CSMD1: variants seen among roughly 807,000 people sequenced by gnomAD.
The protein encoded by CSMD1 is CUB and Sushi multiple domains 1.
A neutral mutation model predicts 417.5 loss-of-function variants in CSMD1; 213 were observed. That is an observed-to-expected ratio of 0.51 (90% CI 0.46 to 0.57). The LOEUF is 0.57. Ranked by LOEUF, CSMD1 falls within the 20% of genes least tolerant of loss-of-function variation. The probability of loss-of-function intolerance (pLI) is 0.00; values close to 1 mark genes in which losing one functional copy is unlikely to be tolerated. For missense variants in CSMD1, 6,923 were observed against 4,529.7 expected (o/e 1.53, Z -15.17); for synonymous variants, 2,862 against 1,736.8 (o/e 1.65, Z -16.11).
Position 3,943,432 on chromosome 8 carries a change from A to AC in CSMD1, c.818+54470_818+54471insG, listed in dbSNP as rs552421047. On this transcript the variant is annotated intron_variant, in intron 5 of 69. Transcript: ENST00000635120. ...GTTGTTTTTTTTTCATTAAAAAAAA[A>AC]AAAACAGAATTCCAGCAATTGTTTC... 9.9e-5 allele frequency among the ~76,000 whole-genome samples: 15 copies of AC among 151,530 alleles called. No homozygotes were observed. In the South Asian group the frequency reaches 2.1e-3, roughly 21 times the overall value.
intron 5 of CSMD1, among the ~76,000 whole-genome samples, chr8:3,833,645 G>A (rs1169074088): frequency 6.6e-6 from 1 of 151,892 alleles, no homozygotes; most frequent in African/African-American, 2.4e-5. Flanking sequence ...CTCACAGGAT[G>A]GTGTTTGTAT....
chr8:3,843,919 C>G, intron 5 of CSMD1, among the ~76,000 whole-genome samples: 1 of 152,134 alleles, frequency 6.6e-6, no homozygotes, highest in South Asian at 2.1e-4. Flanking sequence ...CAGAACTTTC[C>G]ATTGCATGCG....
chr8:4,294,671 T>C lies in CSMD1; in HGVS notation c.415+125282A>G, dbSNP rs190821738. 5.1e-4 allele frequency among the ~76,000 whole-genome samples: 77 copies of C among 152,160 alleles called. 1 individual carries two copies. The highest frequency in any genetic ancestry group is 9.1e-4 in the Non-Finnish European group (62 of 68,036). ...ATTCATGTTTCTTGGTATTTTACAT[T>C]TTAAAAATATTCTAAGATGACCATC... is the stretch of plus-strand genomic sequence containing the variant. On this transcript the variant is annotated intron_variant, in intron 3 of 69. Transcript: ENST00000635120.
chr8:4,709,421 G>C (rs748807317), intron 1 of CSMD1, among the ~76,000 whole-genome samples: 26 of 152,046 alleles, frequency 1.7e-4, no homozygotes, highest in Non-Finnish European at 3.4e-4. Context: ...TTTTTACTTG[G>C]GGCTGCCCTG....
chr8:4,954,650 T>C (rs566855462), intron 1 of CSMD1, among the ~76,000 whole-genome samples: 8 of 152,300 alleles, frequency 5.3e-5, no homozygotes, highest in South Asian at 2.1e-4. Context: ...AAATACCCAA[T>C]GTGTACTCAT....
chr8:4,104,503 G>A (rs929907865), intron 3 of CSMD1, among the ~76,000 whole-genome samples: 1 of 152,106 alleles, frequency 6.6e-6, no homozygotes, highest in Non-Finnish European at 1.5e-5. Context: ...TTGCTTTCAC[G>A]GATTGAGGCC....
At chr8:3,262,650 A>G (rs1355597183) in intron 26 of CSMD1, among the ~76,000 whole-genome samples, 1 of 152,160 alleles carries the variant, frequency 6.6e-6, no homozygotes, top group Non-Finnish European at 1.5e-5. Flanking sequence ...AGAGGTATAG[A>G]CAGAATAAGT....
At chr8:4,639,798 G>C (rs1201753782) in intron 1 of CSMD1, among the ~76,000 whole-genome samples, 1 of 152,116 alleles carries the variant, frequency 6.6e-6, no homozygotes, top group African/African-American at 2.4e-5. Flanking sequence ...ATGCTTGTGG[G>C]AGTTGGCAAA....
rs1429157605 is a variant in CSMD1 at position 3,097,020 on chromosome 8, C to T, written c.6967G>A (p.Glu2323Lys). The change falls in exon 47 of 70, where the codon GAA becomes AAA. Residue 2323 changes from glutamate to lysine, a missense_variant. Physicochemically the swap from Glu to Lys is moderately conservative, Grantham distance 56. Coordinates refer to ENST00000635120, the MANE Select transcript of CSMD1 (RefSeq NM_033225.6). ...ACTCCCGATGATCCAGTCCGGACTTCATTTGCTGGGCATTGTGCTGGAGAG... is the reference window on the plus strand; with the variant it reads ...ACTCCCGATGATCCAGTCCGGACTTTATTTGCTGGGCATTGTGCTGGAGAG... ...PTCEAQCPAN[E>K]VRTGSSGVIL... The T allele has an allele frequency of 5.2e-6, 8 of 1,546,730 alleles. No individual in the cohort carries two copies. The highest frequency in any genetic ancestry group is 4.0e-5 in the Admixed American group (2 of 49,566).
chr8:3,413,157 T>A (rs575847431), intron 12 of CSMD1, among the ~76,000 whole-genome samples: 1 of 152,240 alleles, frequency 6.6e-6, no homozygotes, highest in East Asian at 1.9e-4. Context: ...GCACTGGAAA[T>A]ACAATTATTA....
chr8:3,007,128 C>T (rs1301551702), intron 52 of CSMD1, among the ~76,000 whole-genome samples: 1 of 149,486 alleles, frequency 6.7e-6, no homozygotes, highest in Non-Finnish European at 1.5e-5. Context: ...TGAACAGACA[C>T]TTCTCAAAAG....
intron 12 of CSMD1, among the ~76,000 whole-genome samples, chr8:3,425,479 T>C (rs974497385): frequency 2.0e-5 from 3 of 151,200 alleles, no homozygotes; most frequent in African/African-American, 7.3e-5. Context: ...TCTCAGCTAC[T>C]TGGGAGGCTG....
intron 4 of CSMD1, among the ~76,000 whole-genome samples, chr8:4,010,466 T>G (rs1816459170): frequency 6.6e-6 from 1 of 152,148 alleles, no homozygotes; most frequent in Non-Finnish European, 1.5e-5. Context: ...ATAACCTCTT[T>G]GATTAATTCT....
chr8:3,885,558 C>A (rs958581389), intron 5 of CSMD1, among the ~76,000 whole-genome samples: 3 of 152,170 alleles, frequency 2.0e-5, no homozygotes, highest in African/African-American at 7.2e-5. Context: ...TGTTGCTCCA[C>A]CTAGTAATGA....
intron 5 of CSMD1, among the ~76,000 whole-genome samples, chr8:3,820,053 G>C (rs1320096835): frequency 2.0e-5 from 3 of 152,154 alleles, no homozygotes; most frequent in Admixed American, 6.5e-5. Flanking sequence ...TCTCATTCGA[G>C]TACATTTCCA....
At chr8:4,359,549 C>T (rs1004159745) in intron 3 of CSMD1, among the ~76,000 whole-genome samples, 7 of 152,172 alleles carry the variant, frequency 4.6e-5, no homozygotes, top group East Asian at 1.9e-4. Context: ...AATCCTCTTG[C>T]GCAGAAGAGC....
At chr8:3,976,916 C>G (rs980091682) in intron 5 of CSMD1, among the ~76,000 whole-genome samples, 1 of 152,088 alleles carries the variant, frequency 6.6e-6, no homozygotes, top group African/African-American at 2.4e-5. Context: ...ACTTGTTAGC[C>G]ATTTACATAG....
rs569537380 is a variant in CSMD1 at position 3,434,626 on chromosome 8, G to T, written c.1562-25021C>A. Among the ~76,000 whole-genome samples the T allele has an allele frequency of 3.9e-4, 59 of 152,208 alleles. No homozygotes were observed. In the Middle Eastern group the frequency reaches 0.01, roughly 26 times the overall value. On this transcript the variant is annotated intron_variant, in intron 12 of 69. Transcript: ENST00000635120. ...TCATGAGGAAATCCCATTTATTAGT[G>T]TTAAATCTCAACCTAATTGTTTGAT...
intron 1 of CSMD1, among the ~76,000 whole-genome samples, chr8:4,854,846 CG>C (rs1554502917): frequency 2.0e-5 from 3 of 152,170 alleles, no homozygotes; most frequent in Non-Finnish European, 4.4e-5. Flanking sequence ...GAGGGGCGCC[CG>C]CCATTGCCCA....
Sources: allele counts gnomAD v4.1 joint callset (sites outside exome capture counted in the v4.1 genomes callset), GRCh38; gene constraint gnomAD v4.1.1; transcripts MANE v1.5; gene names NCBI Gene and HGNC (gene_info 2026-07-23, HGNC 2026-07-21).